The following CRYBG3 variants were observed in gnomAD, a reference collection of about 807,000 sequenced individuals.
CRYBG3 encodes the protein crystallin beta-gamma domain containing 3, also known as very large A-kinase anchor protein.
A neutral mutation model predicts 244.2 loss-of-function variants in CRYBG3; 127 were observed. The ratio of observed to expected loss-of-function variants is 0.52; its 90% CI spans 0.45 to 0.60. The LOEUF is 0.60. Among genes scored for constraint, CRYBG3 ranks in the 20% least tolerant of loss-of-function variants. The probability of loss-of-function intolerance (pLI) is 0.00; values close to 1 mark genes in which losing one functional copy is unlikely to be tolerated. For synonymous variants in CRYBG3, 1,132 were observed against 1,195.8 expected (o/e 0.95, Z 1.10); for missense variants, 3,325 against 3,442.5 (o/e 0.97, Z 0.85).
chr3:97,872,201 A>T lies in CRYBG3; in HGVS notation c.1007A>T (p.Asn336Ile), dbSNP rs1174086056. 1 of 1,535,684 alleles carries T rather than the reference A, an allele frequency of 6.5e-7. No homozygotes were observed. The change falls in exon 4 of 22, where the codon AAT (asparagine) becomes ATT (isoleucine). Residue 336 changes from asparagine (N) to isoleucine (I), a missense_variant. Physicochemically the swap from Asn to Ile is moderately radical, Grantham distance 149 (BLOSUM62 -3). Transcript: ENST00000389622. Reference protein sequence around the residue: ...IASSNNLLNKNAWGSIERNRS... With the variant: ...IASSNNLLNKIAWGSIERNRS... ...TCTTCCAATAATCTTTTAAATAAAAATGCTTGGGGGAGTATTGAGAGAAAT... is the reference window on the plus strand; with the variant it reads ...TCTTCCAATAATCTTTTAAATAAAATTGCTTGGGGGAGTATTGAGAGAAAT...
chr3:97,900,872 G>A (rs550931273), intron 15 of CRYBG3, among the ~76,000 whole-genome samples: 2 of 152,192 alleles, frequency 1.3e-5, no homozygotes, highest in East Asian at 1.9e-4. Context: ...TTATGTACAC[G>A]TATTTCTAAT....
chr3:97,903,826 T>C (rs2039732546), intron 15 of CRYBG3, among the ~76,000 whole-genome samples: 1 of 152,164 alleles, frequency 6.6e-6, no homozygotes, highest in South Asian at 2.1e-4. Flanking sequence ...TCAATACTGG[T>C]AGTTCTAAGA....
At chr3:97,933,575 T>TA (rs2040122360) in intron 17 of CRYBG3, 119 bp from the exon 18 acceptor site, 1 of 988,460 alleles carries the variant, frequency 1.0e-6, no homozygotes, top group Admixed American at 1.9e-5. Context: ...CCTTAGAGAG[T>TA]AAAACAGTAA....
rs1307991936 is a variant in CRYBG3 at position 97,864,379 on chromosome 3, A to G, written c.379A>G (p.Asn127Asp). Residue 127 changes from asparagine to aspartate, a missense_variant, in exon 3 of 22, where the codon AAC (asparagine) becomes GAC (aspartate). Transcript: ENST00000389622. Reference protein sequence around the residue: ...PKESFFQFLGNLFNISGKSSL... With the variant: ...PKESFFQFLGDLFNISGKSSL... ...AGAAAGCTTTTTTCAGTTTCTTGGT[A>G]ACTTATTCAATATCTCGGGGAAATC... is the stretch of plus-strand genomic sequence containing the variant. 1 of 1,535,948 alleles carries G rather than the reference A, an allele frequency of 6.5e-7. No homozygotes were observed. The highest frequency in any genetic ancestry group is 2.0e-5 in the Admixed American group (1 of 50,978).
chr3:97,933,173 T>C lies in CRYBG3; in HGVS notation c.8242-521T>C, dbSNP rs373026979. The stretch of plus-strand genomic sequence containing the variant: ...GACATGATGGGTTGAAGAAATACTT[T>C]TAATGCAGAAATCACCACCATTCTT... On this transcript the variant is annotated intron_variant, in intron 17 of 21. Coordinates refer to ENST00000389622, the MANE Select transcript of CRYBG3 (RefSeq NM_153605.4). 6 of 440,306 alleles carry C rather than the reference T, an allele frequency of 1.4e-5. No individual in the cohort carries two copies. The East Asian group carries it at 2.8e-4, about 21-fold the overall frequency. 27.3% of individuals were successfully genotyped at this position (440,306 alleles called of 1,614,324 possible).
At chr3:97,901,814 T>C (rs910271648) in intron 15 of CRYBG3, among the ~76,000 whole-genome samples, 1 of 152,132 alleles carries the variant, frequency 6.6e-6, no homozygotes, top group Non-Finnish European at 1.5e-5. Flanking sequence ...ATTTTCTTGA[T>C]AGTATTTCCA....
At chr3:97,835,488 T>G (rs1203553775) in intron 1 of CRYBG3, among the ~76,000 whole-genome samples, 1 of 152,110 alleles carries the variant, frequency 6.6e-6, no homozygotes, top group Non-Finnish European at 1.5e-5. Context: ...GGCACAATCA[T>G]GTGGCACAGA....
At chr3:97,943,067 G>A in intron 21 of CRYBG3, 159 bp from the exon 22 acceptor site, 1 of 593,936 alleles carries the variant, frequency 1.7e-6, no homozygotes. Context: ...GGTGAATAAT[G>A]GCTAAGCCTG....
At chr3:97,822,637 T>C (rs2038519965) in intron 1 of CRYBG3, among the ~76,000 whole-genome samples, 1 of 152,220 alleles carries the variant, frequency 6.6e-6, no homozygotes, top group Non-Finnish European at 1.5e-5. Context: ...CCTTTCCCAC[T>C]TTCCCCTGCC....
intron 2 of CRYBG3, among the ~76,000 whole-genome samples, chr3:97,848,502 C>T (rs1037637746): frequency 4.6e-5 from 7 of 152,070 alleles, no homozygotes; most frequent in Admixed American, 3.9e-4. Context: ...AAGGTTTCAC[C>T]GTGTTAGCCA....
chr3:97,878,331 A>G (rs564705096), intron 4 of CRYBG3, among the ~76,000 whole-genome samples: 119 of 152,238 alleles, frequency 7.8e-4, no homozygotes, highest in Middle Eastern at 3.4e-3. Context: ...AATGGCTTGA[A>G]CCTGGGAGGT....
intron 2 of CRYBG3, among the ~76,000 whole-genome samples, chr3:97,845,230 T>C (rs1211170141): frequency 6.6e-6 from 1 of 152,232 alleles, no homozygotes; most frequent in East Asian, 1.9e-4. Context: ...CATAACCTTA[T>C]ATAGTCTTCT....
chr3:97,848,592 C>T (rs2038936539), intron 2 of CRYBG3, among the ~76,000 whole-genome samples: 2 of 152,144 alleles, frequency 1.3e-5, no homozygotes, highest in Admixed American at 6.5e-5. Context: ...TGAGCCACTG[C>T]ACCCAGCCTG....
intron 11 of CRYBG3, among the ~76,000 whole-genome samples, chr3:97,895,517 C>G (rs987949598): frequency 1.3e-5 from 2 of 152,084 alleles, no homozygotes; most frequent in Non-Finnish European, 2.9e-5. Context: ...TTATTTAAAC[C>G]CTGAATCAAT....
chr3:97,829,854 T>C (rs1176765176), intron 1 of CRYBG3, among the ~76,000 whole-genome samples: 2 of 152,176 alleles, frequency 1.3e-5, no homozygotes, highest in Non-Finnish European at 2.9e-5. Context: ...CAAGGTAACA[T>C]GTAGGGGACT....
At chr3:97,895,774 T>G (rs2039633041) in intron 11 of CRYBG3, among the ~76,000 whole-genome samples, 185 bp from the exon 12 acceptor site, 1 of 152,236 alleles carries the variant, frequency 6.6e-6, no homozygotes, top group Non-Finnish European at 1.5e-5. Flanking sequence ...AGCCTCCAAA[T>G]TATAAAAATT....
At chr3:97,851,796 G>A (rs748006757) in intron 2 of CRYBG3, among the ~76,000 whole-genome samples, 61 of 152,146 alleles carry the variant, frequency 4.0e-4, no homozygotes, top group Non-Finnish European at 6.2e-4. Flanking sequence ...CTCAGCCATT[G>A]GAGGGATTTA....
chr3:97,835,893 T>C (rs1400721040), intron 1 of CRYBG3, among the ~76,000 whole-genome samples: 2 of 152,102 alleles, frequency 1.3e-5, no homozygotes, highest in Non-Finnish European at 2.9e-5. Flanking sequence ...TTCAGGGTAT[T>C]GAATCTTGTG....
chr3:97,939,232 G>A (rs747399939), intron 19 of CRYBG3, among the ~76,000 whole-genome samples: 1 of 152,030 alleles, frequency 6.6e-6, no homozygotes, highest in Non-Finnish European at 1.5e-5. Context: ...TTCACTGTGC[G>A]TTAGGAGCTA....
Sources: gnomAD v4.1 joint callset for allele counts (sites outside exome capture counted in the v4.1 genomes callset) on GRCh38, gnomAD v4.1.1 for gene constraint, MANE v1.5 for transcripts, NCBI Gene and HGNC (gene_info 2026-07-23, HGNC 2026-07-21) for gene names.